The following PTK2 variants were observed in gnomAD, a reference collection of about 807,000 sequenced individuals.
PTK2 encodes focal adhesion kinase 1.
In PTK2, 45 loss-of-function variants were observed where a neutral mutation model predicts 150.1. The ratio of observed to expected loss-of-function variants is 0.30; its 90% CI spans 0.24 to 0.38. The LOEUF (loss-of-function observed/expected upper bound fraction) is 0.38, where lower values mean the gene tolerates loss of function less well. Ranked by LOEUF, PTK2 falls within the 10% of genes least tolerant of loss-of-function variation. PTK2 has a pLI of 1.00. For synonymous variants in PTK2, 432 were observed against 449.2 expected (o/e 0.96, Z 0.48); for missense variants, 919 against 1,307.3 (o/e 0.70, Z 4.58).
rs922335126 is a variant in PTK2, at chr8:140,793,215, T to C, written c.1124+139A>G. The C allele has an allele frequency of 5.2e-6, 5 of 958,992 alleles. No homozygotes were observed. The African/African-American group carries it at 8.6e-5, about 16-fold the overall frequency. 59.4% of individuals were successfully genotyped at this position (958,992 alleles called of 1,614,324 possible). A position where few individuals can be genotyped will look rare whatever the true frequency, so the allele number is the denominator to read the frequency against. ...TAATAAAATTTAAAACTGACTTGAT[T>C]TCTTTCTAGAATTGTTTCCTAGTTC... On this transcript the variant is annotated intron_variant, in intron 13 of 31. Transcript: ENST00000522684.
chr8:140,912,140 G>A (rs1421287747), intron 2 of PTK2, among the ~76,000 whole-genome samples: 3 of 152,090 alleles, frequency 2.0e-5, no homozygotes, highest in African/African-American at 4.8e-5. Context: ...CTACTCAGGA[G>A]GCTGAGGCAG....
At position 140,686,672 on chromosome 8, in the gene PTK2, C is replaced by T. The variant is rs767144547; in HGVS notation, c.2522G>A (p.Arg841Gln). The change falls in exon 27 of 32, where the codon CGA becomes CAA. Residue 841 changes from arginine (R) to glutamine (Q), a missense_variant. Around this residue, in one of 3 missense-constraint regions of PTK2, gnomAD observed 258 missense variants for 265.4 expected, o/e 0.97. Transcript: ENST00000522684. Reference sequence around the variant, plus strand: ...TCCATCCTCCCTGTCAATACTGCCTCGAGAGAGTCTCACATCAGGTTTCTG... The same window carrying T: ...TCCATCCTCCCTGTCAATACTGCCTTGAGAGAGTCTCACATCAGGTTTCTG... 46 of 1,613,724 alleles carry T rather than the reference C, an allele frequency of 2.9e-5. No homozygotes were observed. The highest frequency in any genetic ancestry group is 2.7e-4 in the South Asian group (25 of 91,054).
At chr8:140,737,714 A>T (rs1468832610) in intron 21 of PTK2, among the ~76,000 whole-genome samples, 1 of 152,254 alleles carries the variant, frequency 6.6e-6, no homozygotes, top group Non-Finnish European at 1.5e-5. Context: ...TCCAATTATT[A>T]CCAACTGTAA....
intron 31 of PTK2, among the ~76,000 whole-genome samples, chr8:140,664,599 G>T: frequency 6.6e-6 from 1 of 152,178 alleles, no homozygotes; most frequent in Admixed American, 6.5e-5. Context: ...AGTTTCCCAT[G>T]TGCCTTCCTC....
chr8:140,681,406 C>T (rs1257016976), intron 27 of PTK2, among the ~76,000 whole-genome samples: 2 of 151,540 alleles, frequency 1.3e-5, no homozygotes, highest in Admixed American at 1.3e-4. Context: ...ACATCACGCC[C>T]TGAGGAACTG....
At chr8:140,705,552 T>C (rs1440118223) in intron 24 of PTK2, among the ~76,000 whole-genome samples, 3 of 152,196 alleles carry the variant, frequency 2.0e-5, no homozygotes, top group Non-Finnish European at 2.9e-5. Context: ...TGGGATGCAC[T>C]GGGGTATGCA....
intron 27 of PTK2, among the ~76,000 whole-genome samples, chr8:140,681,619 T>C (rs2100016992): frequency 6.6e-6 from 1 of 151,550 alleles, no homozygotes; most frequent in Non-Finnish European, 1.5e-5. Context: ...CTACTAAAAA[T>C]ACAAAAAATT....
At chr8:140,669,670 G>C in intron 29 of PTK2, 57 bp downstream of exon 33, 1 of 1,514,402 alleles carries the variant, frequency 6.6e-7, no homozygotes. Flanking sequence ...GTTACATGCA[G>C]AGAGCCGGGT....
At chr8:140,713,890 T>C (rs2100038086) in intron 23 of PTK2, among the ~76,000 whole-genome samples, 1 of 152,178 alleles carries the variant, frequency 6.6e-6, no homozygotes, top group East Asian at 1.9e-4. Context: ...AATTTCATTA[T>C]TGATTTATTT....
chr8:140,905,130 T>C (rs913872172), intron 2 of PTK2, among the ~76,000 whole-genome samples: 1 of 152,186 alleles, frequency 6.6e-6, no homozygotes, highest in Admixed American at 6.5e-5. Flanking sequence ...TATGGACATT[T>C]AGTGCTATAA....
chr8:140,829,506 T>G lies in PTK2; in HGVS notation c.648+966A>C, dbSNP rs552383835. On this transcript the variant is annotated intron_variant, in intron 8 of 31. Transcript: ENST00000522684. ...AGATTTAATCCTCTTATTAATCTCG[T>G]GTTAGAAATGGATTTTATCCCCATT... Among the ~76,000 whole-genome samples, 5 of 152,346 alleles carry G rather than the reference T, an allele frequency of 3.3e-5. No individual in the cohort carries two copies. The South Asian group carries it at 1.0e-3, about 32-fold the overall frequency.
intron 13 of PTK2, 47 bp from the exon 14 acceptor site, chr8:140,789,573 A>C: frequency 6.3e-7 from 1 of 1,585,554 alleles, no homozygotes; most frequent in Non-Finnish European, 8.6e-7. Flanking sequence ...TTTCCCCAGG[A>C]CCCCGCAACT....
At chr8:140,977,186 T>C (rs2100189565) in intron 1 of PTK2, among the ~76,000 whole-genome samples, 1 of 152,034 alleles carries the variant, frequency 6.6e-6, no homozygotes, top group African/African-American at 2.4e-5. Context: ...GCCCAGGAGC[T>C]AGAGACCAAG....
At chr8:140,833,896 C>T (rs868834376) in intron 7 of PTK2, among the ~76,000 whole-genome samples, 10 of 152,186 alleles carry the variant, frequency 6.6e-5, no homozygotes, top group African/African-American at 2.2e-4. Context: ...TTCAGAGAAA[C>T]CTCTTGAACC....
At chr8:140,863,298 GA>G (rs1418253202) in intron 5 of PTK2, among the ~76,000 whole-genome samples, 1 of 151,852 alleles carries the variant, frequency 6.6e-6, no homozygotes, top group Non-Finnish European at 1.5e-5. Flanking sequence ...AATGATTGAA[GA>G]GCCTCTAAAC....
chr8:140,996,677 A>AT lies in PTK2; in HGVS notation c.-122+4447dup, dbSNP rs1298404203. On this transcript the variant is annotated intron_variant, in intron 1 of 31. Coordinates refer to ENST00000522684, the Ensembl canonical transcript of PTK2. ...GGAATAACAAAGCCTGGATGATAGCATATCTGTTTACAGCATGTTTTACTG... is the reference window on the plus strand; with the variant it reads ...GGAATAACAAAGCCTGGATGATAGCATTATCTGTTTACAGCATGTTTTACTG... 2.0e-5 allele frequency among the ~76,000 whole-genome samples: 3 copies of AT among 152,336 alleles called. No individual in the cohort carries two copies. In the East Asian group the frequency reaches 5.8e-4, roughly 29 times the overall value.
intron 3 of PTK2, among the ~76,000 whole-genome samples, chr8:140,885,466 C>T (rs2100151913): frequency 6.6e-6 from 1 of 152,132 alleles, no homozygotes; most frequent in African/African-American, 2.4e-5. Flanking sequence ...GGGAAGAAAA[C>T]AGCTAATAAA....
intron 26 of PTK2, among the ~76,000 whole-genome samples, chr8:140,697,127 C>T (rs2100027080): frequency 9.3e-6 from 1 of 107,172 alleles, no homozygotes; most frequent in African/African-American, 3.4e-5. Flanking sequence ...GTGTGAGACC[C>T]TGTTTCCGGG....
chr8:140,953,475 G>A (rs1453634316), intron 1 of PTK2, among the ~76,000 whole-genome samples: 8 of 152,164 alleles, frequency 5.3e-5, no homozygotes, highest in Admixed American at 2.6e-4. Flanking sequence ...GTGACTAACA[G>A]GCGGGCAGCA....
Sources: gnomAD v4.1 joint callset for allele counts (sites outside exome capture counted in the v4.1 genomes callset) on GRCh38, gnomAD v4.1.1 for gene constraint, gnomAD v4.1.1 regional missense constraint, MANE v1.5 for transcripts, NCBI Gene and HGNC (gene_info 2026-07-23, HGNC 2026-07-21) for gene names.